Variants in TRDN observed in about 807,000 individuals in gnomAD.
TRDN encodes the protein triadin in skeletal muscle.
In TRDN, 161 loss-of-function variants were observed where a neutral mutation model predicts 149.7. That is an observed-to-expected ratio of 1.08 (90% CI 0.95 to 1.23). TRDN has a LOEUF of 1.23. TRDN is among the 50% of genes most tolerant of loss of function. The pLI is 0.00. For missense variants in TRDN, 896 were observed against 823.5 expected (o/e 1.09, Z -1.08); for synonymous variants, 294 against 250.5 (o/e 1.17, Z -1.64).
At chr6:123,547,237 C>T in intron 4 of TRDN, 103 bp downstream of exon 4, 1 of 740,548 alleles carries the variant, frequency 1.4e-6, no homozygotes, top group Non-Finnish European at 2.1e-6. Context: ...AATTATTAAA[C>T]AAAACCTTTA....
At chr6:123,268,994 G>A (rs145593375) in intron 31 of TRDN, among the ~76,000 whole-genome samples, 1 of 151,994 alleles carries the variant, frequency 6.6e-6, no homozygotes, top group African/African-American at 2.4e-5. Context: ...TTCCTAAGCT[G>A]TGTCACACGT....
chr6:123,402,021 C>T (rs1020487497), intron 12 of TRDN, among the ~76,000 whole-genome samples: 13 of 151,378 alleles, frequency 8.6e-5, no homozygotes, highest in Non-Finnish European at 1.5e-4. Flanking sequence ...AAGAAAGCTG[C>T]AGAGTGAATG....
At chr6:123,444,008 T>A (rs1775118718) in intron 10 of TRDN, among the ~76,000 whole-genome samples, 2 of 151,100 alleles carry the variant, frequency 1.3e-5, no homozygotes, top group Admixed American at 1.3e-4. Context: ...TGTAGGCTCT[T>A]TTTTGGTCCC....
chr6:123,397,469 T>G (rs1772780866), intron 12 of TRDN, among the ~76,000 whole-genome samples: 1 of 152,292 alleles, frequency 6.6e-6, no homozygotes, highest in African/African-American at 2.4e-5. Context: ...TATTCAACTT[T>G]ATAACTCCAG....
chr6:123,237,742 T>C (rs1164584192), intron 38 of TRDN, among the ~76,000 whole-genome samples: 1 of 152,144 alleles, frequency 6.6e-6, no homozygotes, highest in Non-Finnish European at 1.5e-5. Context: ...GAATAAACAA[T>C]GGTTATGGAT....
intron 38 of TRDN, among the ~76,000 whole-genome samples, chr6:123,242,241 A>T (rs1489395797): frequency 1.3e-5 from 2 of 152,140 alleles, no homozygotes; most frequent in Non-Finnish European, 2.9e-5. Flanking sequence ...ATATTTTAGG[A>T]TGTATTTTTG....
intron 21 of TRDN, among the ~76,000 whole-genome samples, chr6:123,341,008 G>A (rs939486036): frequency 2.0e-5 from 3 of 151,442 alleles, no homozygotes; most frequent in African/African-American, 4.8e-5. Context: ...ATTTTAATTC[G>A]AATGCAATTT....
rs181966881 is a variant in TRDN, at chr6:123,336,337, A to C, written c.1420+1282T>G. Among the ~76,000 whole-genome samples, 90 of 152,164 alleles carry C rather than the reference A, an allele frequency of 5.9e-4. No individual in the cohort carries two copies. In the East Asian group the frequency reaches 0.012, roughly 20 times the overall value. On this transcript the variant is annotated intron_variant, in intron 22 of 40. Coordinates refer to ENST00000334268, the MANE Select transcript of TRDN (RefSeq NM_006073.4). Reference sequence around the variant, plus strand: ...GCTAGACCTCACATTCCTTGTTCACAAAAATAGAGGTAGCTAGCACATTTT... The same window carrying C: ...GCTAGACCTCACATTCCTTGTTCACCAAAATAGAGGTAGCTAGCACATTTT...
chr6:123,555,322 G>A (rs532912637), intron 2 of TRDN, among the ~76,000 whole-genome samples: 4 of 151,920 alleles, frequency 2.6e-5, no homozygotes, highest in East Asian at 1.9e-4. Flanking sequence ...AATTTATTGC[G>A]TTCTTATTTT....
At chr6:123,220,464 G>A (rs967668816) in intron 40 of TRDN, among the ~76,000 whole-genome samples, 6 of 151,900 alleles carry the variant, frequency 3.9e-5, no homozygotes, top group Admixed American at 2.6e-4. Flanking sequence ...AATATGTCCA[G>A]ATTGACCTAT....
chr6:123,440,153 C>A (rs1774794880), intron 10 of TRDN, among the ~76,000 whole-genome samples: 1 of 152,088 alleles, frequency 6.6e-6, no homozygotes. Flanking sequence ...CCTACAAGAT[C>A]AAAGACAACA....
intron 2 of TRDN, among the ~76,000 whole-genome samples, chr6:123,560,250 C>T (rs1028336828): frequency 6.6e-6 from 1 of 152,158 alleles, no homozygotes; most frequent in Non-Finnish European, 1.5e-5. Flanking sequence ...ATACTTTCTG[C>T]CCCCTCCACT....
chr6:123,622,392 C>A (rs1362984917), intron 1 of TRDN, among the ~76,000 whole-genome samples: 1 of 151,228 alleles, frequency 6.6e-6, no homozygotes, highest in Non-Finnish European at 1.5e-5. Flanking sequence ...TGTTAATCAA[C>A]AATGTTTTTG....
chr6:123,558,636 T>A (rs1030878062), intron 2 of TRDN, among the ~76,000 whole-genome samples: 1 of 152,166 alleles, frequency 6.6e-6, no homozygotes, highest in African/African-American at 2.4e-5. Flanking sequence ...TTATTCTCAA[T>A]ATACATTTTA....
intron 1 of TRDN, among the ~76,000 whole-genome samples, chr6:123,622,741 CT>C (rs1375559285): frequency 6.6e-6 from 1 of 152,030 alleles, no homozygotes; most frequent in East Asian, 1.9e-4. Flanking sequence ...ATTTTGGCCT[CT>C]AGCTCAGTAT....
At chr6:123,490,272 G>T (rs557304116) in intron 9 of TRDN, among the ~76,000 whole-genome samples, 1 of 152,298 alleles carries the variant, frequency 6.6e-6, no homozygotes, top group South Asian at 2.1e-4. Flanking sequence ...AATGAATAAT[G>T]CTGAATTCTA....
At chr6:123,550,929 A>G in intron 2 of TRDN, among the ~76,000 whole-genome samples, 1 of 151,948 alleles carries the variant, frequency 6.6e-6, no homozygotes, top group Non-Finnish European at 1.5e-5. Context: ...AAAGGAAATG[A>G]AATGGAATTT....
At chr6:123,543,970 A>G (rs149319718) in intron 4 of TRDN, among the ~76,000 whole-genome samples, 1 of 152,044 alleles carries the variant, frequency 6.6e-6, no homozygotes, top group Non-Finnish European at 1.5e-5. Context: ...AATTTCCTCC[A>G]TATTCTGTGA....
At chr6:123,377,829 T>C in intron 17 of TRDN, 37 bp downstream of exon 17, 4 of 1,602,252 alleles carry the variant, frequency 2.5e-6, no homozygotes, top group Non-Finnish European at 3.4e-6. Flanking sequence ...AATAATATTA[T>C]GAAATTGTGA....
Sources: allele counts gnomAD v4.1 joint callset (sites outside exome capture counted in the v4.1 genomes callset), GRCh38; gene constraint gnomAD v4.1.1; transcripts MANE v1.5; gene names NCBI Gene and HGNC (gene_info 2026-07-23, HGNC 2026-07-21).